Variants in PDE8B observed in about 807,000 individuals in gnomAD.
The protein encoded by PDE8B is high affinity cAMP-specific and IBMX-insensitive 3',5'-cyclic phosphodiesterase 8B.
Under a neutral mutation model 101.3 loss-of-function variants are expected in PDE8B, and 26 were observed. That is an observed-to-expected ratio of 0.26 (90% CI 0.19 to 0.36). The LOEUF is 0.36. PDE8B is among the 10% of genes least tolerant of loss of function. The pLI is 1.00. For missense variants in PDE8B, 810 were observed against 1,163.1 expected (o/e 0.70, Z 4.42); for synonymous variants, 424 against 429.3 (o/e 0.99, Z 0.15).
In PDE8B at chr5:77,355,289, G is replaced by A. The variant is rs1184319638; in HGVS notation, c.1167+1883G>A. ...AGCTCGGATACCCTGAGCCATTGAC[G>A]TCACCTAATGGTACTGCACAGGCCT... On this transcript the variant is annotated intron_variant, in intron 10 of 21. Coordinates refer to ENST00000264917, the MANE Select transcript of PDE8B (RefSeq NM_003719.5). Among the ~76,000 whole-genome samples, 4 of 152,288 alleles carry A rather than the reference G, an allele frequency of 2.6e-5. No individual in the cohort carries two copies. In the South Asian group the frequency reaches 6.2e-4, roughly 24 times the overall value.
chr5:77,342,775 A>G (rs1779439219), intron 6 of PDE8B, among the ~76,000 whole-genome samples: 1 of 152,198 alleles, frequency 6.6e-6, no homozygotes, highest in Non-Finnish European at 1.5e-5. Context: ...GGTCACCAAG[A>G]AAAGTCCCCA....
intron 10 of PDE8B, among the ~76,000 whole-genome samples, chr5:77,398,119 C>T (rs1455754604): frequency 6.6e-6 from 1 of 151,838 alleles, no homozygotes; most frequent in Non-Finnish European, 1.5e-5. Context: ...CCTCGTGTGG[C>T]AAGAAGTAGT....
rs771061738 is a variant in PDE8B, at chr5:77,422,037, C to G, written c.2418+49C>G. 6 of 1,571,326 alleles carry G rather than the reference C, an allele frequency of 3.8e-6. No individual in the cohort carries two copies. The African/African-American group carries it at 8.1e-5, about 21-fold the overall frequency. On this transcript the variant is annotated intron_variant, in intron 20 of 21. Coordinates refer to ENST00000264917, the MANE Select transcript of PDE8B (RefSeq NM_003719.5). ...TCCACTTCCCCTCTGGGAATGGGAA[C>G]TAGGTCATGGAACTCCTGGGGGATT...
At chr5:77,322,568 C>T (rs1775301210) in intron 2 of PDE8B, among the ~76,000 whole-genome samples, 1 of 152,272 alleles carries the variant, frequency 6.6e-6, no homozygotes, top group African/African-American at 2.4e-5. Flanking sequence ...CCTTAGAACA[C>T]ACCAGGGGCT....
intron 7 of PDE8B, among the ~76,000 whole-genome samples, chr5:77,345,369 A>C (rs1779954782): frequency 6.6e-6 from 1 of 152,204 alleles, no homozygotes; most frequent in Non-Finnish European, 1.5e-5. Flanking sequence ...CATGTTGGCC[A>C]GGCTGGTCTC....
At chr5:77,412,002 A>T in intron 15 of PDE8B, 98 bp from the exon 16 acceptor site, 2 of 1,259,982 alleles carry the variant, frequency 1.6e-6, no homozygotes, top group Non-Finnish European at 1.2e-6. Context: ...CAGGTACAAG[A>T]CTTTTTTTCT....
chr5:77,177,030 T>C, the PDE8B span, among the ~76,000 whole-genome samples: 5 of 152,274 alleles, frequency 3.3e-5, no homozygotes, highest in Admixed American at 1.3e-4. Context: ...TTCTTCCTCC[T>C]GTCCCTTCTC....
chr5:77,245,063 A>G (rs1232057771), intron 1 of PDE8B, among the ~76,000 whole-genome samples: 1 of 152,206 alleles, frequency 6.6e-6, no homozygotes, highest in Non-Finnish European at 1.5e-5. Flanking sequence ...CCTTAAGTGA[A>G]ATATTCCTTA....
the PDE8B span, among the ~76,000 whole-genome samples, chr5:77,170,753 A>G: frequency 6.6e-6 from 1 of 152,240 alleles, no homozygotes; most frequent in Non-Finnish European, 1.5e-5. Flanking sequence ...ATTTGCTTTT[A>G]CGAATTTGCT....
At chr5:77,407,965 G>A (rs1307540385) in intron 13 of PDE8B, among the ~76,000 whole-genome samples, 1 of 152,164 alleles carries the variant, frequency 6.6e-6, no homozygotes, top group Non-Finnish European at 1.5e-5. Flanking sequence ...TTGTATCTTA[G>A]TTTATGTGCA....
chr5:77,258,426 A>G (rs1034652055), intron 1 of PDE8B, among the ~76,000 whole-genome samples: 1 of 151,930 alleles, frequency 6.6e-6, no homozygotes, highest in African/African-American at 2.4e-5. Flanking sequence ...CTTGTGAACC[A>G]TTGTAAGGAG....
chr5:77,183,359 C>T, the PDE8B span, among the ~76,000 whole-genome samples: 1 of 152,082 alleles, frequency 6.6e-6, no homozygotes, highest in African/African-American at 2.4e-5. Flanking sequence ...ACCTCATGAT[C>T]CACCCGCCTC....
chr5:77,309,748 T>A (rs906590374), intron 1 of PDE8B, among the ~76,000 whole-genome samples: 40 of 148,636 alleles, frequency 2.7e-4, no homozygotes, highest in Admixed American at 2.3e-3. Context: ...GCCTCCCAAG[T>A]ATCTGGGATT....
intron 9 of PDE8B, among the ~76,000 whole-genome samples, chr5:77,352,686 C>A (rs568988056): frequency 6.6e-6 from 1 of 152,174 alleles, no homozygotes; most frequent in East Asian, 1.9e-4. Flanking sequence ...CTTCTGGGGG[C>A]AAAAAACCTA....
rs1051594305 is a variant in PDE8B at position 77,361,722 on chromosome 5, G to T, written c.1167+8316G>T. Among the ~76,000 whole-genome samples, 3 of 152,108 alleles carry T rather than the reference G, an allele frequency of 2.0e-5. No homozygotes were observed. In the South Asian group the frequency reaches 6.2e-4, roughly 32 times the overall value. On this transcript the variant is annotated intron_variant, in intron 10 of 21. Transcript: ENST00000264917. ...GTAGAGATAGGGTTTCACTATGTTG[G>T]CCAGGATGGTCTCGATCTCCTGACC... is the stretch of plus-strand genomic sequence containing the variant.
chr5:77,274,235 T>G (rs1763380089), intron 1 of PDE8B, among the ~76,000 whole-genome samples: 1 of 152,290 alleles, frequency 6.6e-6, no homozygotes, highest in East Asian at 1.9e-4. Context: ...AAAAAATCCC[T>G]ATGAGGTAGG....
At chr5:77,220,004 G>A (rs1750740118) in intron 1 of PDE8B, among the ~76,000 whole-genome samples, 1 of 152,202 alleles carries the variant, frequency 6.6e-6, no homozygotes, top group East Asian at 1.9e-4. Context: ...GCTCTAGGAA[G>A]TGTTGCTGGG....
At chr5:77,115,262 G>A in the PDE8B span, 1 of 152,188 alleles carries the variant, frequency 6.6e-6, no homozygotes, top group South Asian at 2.1e-4. Context: ...TGAGAGGAAT[G>A]GACTATATCT....
chr5:77,122,353 G>C, the PDE8B span, among the ~76,000 whole-genome samples: 5 of 152,178 alleles, frequency 3.3e-5, no homozygotes, highest in African/African-American at 1.2e-4. Context: ...ACTCTTTTCA[G>C]CATAGGAACA....
Sources: gnomAD v4.1 joint callset for allele counts (sites outside exome capture counted in the v4.1 genomes callset) on GRCh38, gnomAD v4.1.1 for gene constraint, MANE v1.5 for transcripts, NCBI Gene and HGNC (gene_info 2026-07-23, HGNC 2026-07-21) for gene names.